Variants in KIF26B observed in about 807,000 individuals in gnomAD.
The protein encoded by KIF26B is kinesin family member 26B, also known as kinesin-like protein KIF26B.
A neutral mutation model predicts 151.2 loss-of-function variants in KIF26B; 63 were observed. That is an observed-to-expected ratio of 0.42 (90% CI 0.34 to 0.51). The LOEUF is 0.51. Among genes scored for constraint, KIF26B ranks in the 20% least tolerant of loss-of-function variants. The pLI, the probability that KIF26B is intolerant of heterozygous loss-of-function variation, is 0.07. For synonymous variants in KIF26B, 1,357 were observed against 1,262.1 expected (o/e 1.08, Z -1.59); for missense variants, 2,813 against 2,913.6 (o/e 0.97, Z 0.79).
Position 245,241,737 on chromosome 1 carries a change from C to T in KIF26B, c.465+85054C>T, listed in dbSNP as rs1428641007. ...TGGCAGCCCCAGCTGGCTGCCCGCT[C>T]CCTCCTGTGGGCAGTGCTTCACAGC... is the stretch of plus-strand genomic sequence containing the variant. On this transcript the variant is annotated intron_variant, in intron 2 of 14. Coordinates refer to ENST00000407071, the MANE Select transcript of KIF26B (RefSeq NM_018012.4). This position sits in a 1 kb window ranked among gnomAD's most constrained non-coding sequence, Gnocchi z 5.0. 1.3e-5 allele frequency among the ~76,000 whole-genome samples: 2 copies of T among 152,220 alleles called. No homozygotes were observed. Among genetic ancestry groups the T allele is most frequent in the Non-Finnish European group, 2.9e-5 (2 of 68,030 alleles).
intron 3 of KIF26B, among the ~76,000 whole-genome samples, chr1:245,394,680 T>TTTTC (rs1421616234): frequency 2.8e-5 from 4 of 140,736 alleles, no homozygotes; most frequent in Non-Finnish European, 3.0e-5. Flanking sequence ...CTTCAAGTTT[T>TTTTC]TTTCTTTCTT....
At chr1:245,175,971 GACATCTAT>G (rs1668799506) in intron 2 of KIF26B, among the ~76,000 whole-genome samples, 2 of 131,426 alleles carry the variant, frequency 1.5e-5, no homozygotes, top group Non-Finnish European at 3.2e-5. Flanking sequence ...TATATATATA[GACATCTAT>G]ATATATAGAT....
intron 9 of KIF26B, among the ~76,000 whole-genome samples, chr1:245,622,425 G>A (rs1049293561): frequency 1.3e-5 from 2 of 152,138 alleles, no homozygotes; most frequent in Non-Finnish European, 2.9e-5. Flanking sequence ...AGTGGTTGCC[G>A]AATATTTTCA....
chr1:245,642,077 C>A (rs1022477261), intron 9 of KIF26B, among the ~76,000 whole-genome samples: 16 of 152,270 alleles, frequency 1.1e-4, no homozygotes, highest in African/African-American at 3.8e-4. Context: ...GGCTTTCTGG[C>A]CCAAACGGAC....
At position 245,531,298 on chromosome 1, in the gene KIF26B, T is replaced by G. The variant is rs977915967; in HGVS notation, c.1167-9469T>G. Reference sequence around the variant, plus strand: ...AATAACTGCTTTCATTTACCAAAATTAACATGATGTAGTAGAAAGGCCTTG... The same window carrying G: ...AATAACTGCTTTCATTTACCAAAATGAACATGATGTAGTAGAAAGGCCTTG... On this transcript the variant is annotated intron_variant, in intron 4 of 14. Coordinates refer to ENST00000407071, the MANE Select transcript of KIF26B (RefSeq NM_018012.4). Among the ~76,000 whole-genome samples the G allele has an allele frequency of 2.0e-5, 3 of 152,334 alleles. No individual in the cohort carries two copies. The East Asian group carries it at 5.8e-4, about 29-fold the overall frequency.
At chr1:245,423,169 A>G (rs560517358) in intron 4 of KIF26B, among the ~76,000 whole-genome samples, 1 of 151,898 alleles carries the variant, frequency 6.6e-6, no homozygotes, top group South Asian at 2.1e-4. Context: ...TTCGTTTTAT[A>G]TGGGAGGGAT....
intron 5 of KIF26B, among the ~76,000 whole-genome samples, chr1:245,562,343 C>T (rs200629210): frequency 2.0e-5 from 3 of 152,124 alleles, no homozygotes; most frequent in African/African-American, 7.2e-5. Flanking sequence ...TTACGTTATA[C>T]TTTCAATATA....
chr1:245,352,464 A>G lies in KIF26B; in HGVS notation c.466-14370A>G, dbSNP rs562872418. On this transcript the variant is annotated intron_variant, in intron 2 of 14. Coordinates refer to ENST00000407071, the MANE Select transcript of KIF26B (RefSeq NM_018012.4). This position sits in a 1 kb window ranked among gnomAD's most constrained non-coding sequence, Gnocchi z 5.0. ...TTTTCAGTAGAGATGGGTTTTCACA[A>G]TGTTGGCCAGGTTGGTCTCAAACTC... Among the ~76,000 whole-genome samples the G allele has an allele frequency of 6.6e-5, 10 of 152,288 alleles. No homozygotes were observed. The highest frequency in any genetic ancestry group is 1.9e-4 in the African/African-American group (8 of 41,552).
At chr1:245,444,527 C>G (rs1026495635) in intron 4 of KIF26B, among the ~76,000 whole-genome samples, 3 of 152,254 alleles carry the variant, frequency 2.0e-5, no homozygotes, top group Admixed American at 6.5e-5. Context: ...TCAAGCAACA[C>G]CATCTGCTGT....
intron 14 of KIF26B, among the ~76,000 whole-genome samples, chr1:245,700,394 AC>A (rs1380633012): frequency 6.6e-6 from 1 of 152,116 alleles, no homozygotes; most frequent in Admixed American, 6.5e-5. Context: ...AAGTTCAACA[AC>A]AGGAGACATT....
At chr1:245,180,783 G>A (rs1296174946) in intron 2 of KIF26B, among the ~76,000 whole-genome samples, 8 of 152,124 alleles carry the variant, frequency 5.3e-5, no homozygotes, top group Non-Finnish European at 7.3e-5. Flanking sequence ...ACACTTGTTC[G>A]TGACCACAGC....
chr1:245,488,627 G>A lies in KIF26B; in HGVS notation c.1167-52140G>A, dbSNP rs970491828. The stretch of plus-strand genomic sequence containing the variant: ...CCACAGATGCTATCACTCCTCTGCC[G>A]TGGCCCCATCCTCCTCTGTCTGGCT... On this transcript the variant is annotated intron_variant, in intron 4 of 14. Coordinates refer to ENST00000407071, the MANE Select transcript of KIF26B (RefSeq NM_018012.4). The surrounding 1 kb of genome is among the most constrained non-coding windows in gnomAD (Gnocchi z 4.6). Among the ~76,000 whole-genome samples the A allele has an allele frequency of 8.5e-5, 13 of 152,260 alleles. No individual in the cohort carries two copies. Among genetic ancestry groups the A allele is most frequent in the Middle Eastern group, 3.4e-3 (1 of 294 alleles).
At chr1:245,346,222 C>T (rs1181790733) in intron 2 of KIF26B, among the ~76,000 whole-genome samples, 1 of 152,116 alleles carries the variant, frequency 6.6e-6, no homozygotes, top group African/African-American at 2.4e-5. Context: ...GGATAACAGG[C>T]GTGAGCCACC....
chr1:245,607,807 C>A, intron 7 of KIF26B, 63 bp downstream of exon 7: 1 of 1,287,644 alleles, frequency 7.8e-7, no homozygotes. Context: ...ATGCATTCCT[C>A]TGTCTCCCTC....
chr1:245,389,966 A>G (rs140432449), intron 3 of KIF26B, among the ~76,000 whole-genome samples: 1 of 152,196 alleles, frequency 6.6e-6, no homozygotes, highest in African/African-American at 2.4e-5. Flanking sequence ...CTGAGTCCCT[A>G]AGACCCTTTC....
Position 245,156,316 on chromosome 1 carries a change from C to T in KIF26B, c.98C>T (p.Ala33Val). 6.5e-7 allele frequency: 1 copy of T among 1,547,444 alleles called. No individual in the cohort carries two copies. The highest frequency in any genetic ancestry group is 1.2e-5 in the South Asian group (1 of 84,036). ...GTCTGCTCGCCCACCAAGCCCGCAG[C>T]GCCCTTCTCCCCGGAAAGCTGGTAC... ...NEVCSPTKPA[A>V]PFSPESWYRK... Residue 33 changes from alanine (A) to valine (V), a missense_variant, in exon 2 of 15, where the codon GCG becomes GTG. Ala to Val is a moderately conservative substitution (Grantham distance 64, BLOSUM62 0). This residue lies in a region of KIF26B where 676 missense variants were observed against 688.1 expected (regional missense o/e 0.98). Coordinates refer to ENST00000407071, the MANE Select transcript of KIF26B (RefSeq NM_018012.4).
chr1:245,595,687 G>A (rs944603805), intron 5 of KIF26B, among the ~76,000 whole-genome samples: 1 of 152,184 alleles, frequency 6.6e-6, no homozygotes, highest in Non-Finnish European at 1.5e-5. Context: ...AAATGGGTTA[G>A]GGAGGAGTCC....
At chr1:245,224,066 C>G (rs1235980925) in intron 2 of KIF26B, among the ~76,000 whole-genome samples, 1 of 152,118 alleles carries the variant, frequency 6.6e-6, no homozygotes, top group Admixed American at 6.5e-5. Flanking sequence ...GGGTGGATCA[C>G]CTGAGGTCGG....
chr1:245,229,732 T>C (rs1669952937), intron 2 of KIF26B, among the ~76,000 whole-genome samples: 2 of 152,350 alleles, frequency 1.3e-5, no homozygotes, highest in South Asian at 2.1e-4. Context: ...AGTAATACTT[T>C]GGATTAAAAC....
Sources: gnomAD v4.1 joint callset for allele counts (sites outside exome capture counted in the v4.1 genomes callset) on GRCh38, gnomAD v4.1.1 for gene constraint, gnomAD v4.1.1 regional missense constraint, Gnocchi (gnomAD v3.1) non-coding constraint, MANE v1.5 for transcripts, NCBI Gene and HGNC (gene_info 2026-07-23, HGNC 2026-07-21) for gene names.